The following TTN variants were observed in gnomAD, a reference collection of about 807,000 sequenced individuals.
The protein encoded by TTN is connectin.
TTN carries 1,525 observed loss-of-function variants against 3,223.0 expected under a neutral mutation model. That is an observed-to-expected ratio of 0.47 (90% CI 0.45 to 0.49). TTN has a LOEUF of 0.49. TTN is among the 20% of genes least tolerant of loss of function. The probability of loss-of-function intolerance (pLI) is 0.00; values close to 1 mark genes in which losing one functional copy is unlikely to be tolerated. For missense variants in TTN, 40,786 were observed against 43,424.0 expected, an observed-to-expected ratio of 0.94 and a Z score of 5.40; for synonymous variants, 14,094 against 15,161.0, an observed-to-expected ratio of 0.93 and a Z score of 5.17.
rs1414221406 is a variant in TTN at position 178,706,587 on chromosome 2, T to C, written c.29287A>G (p.Lys9763Glu). 6.2e-7 allele frequency: 1 copy of C among 1,613,924 alleles called. No homozygotes were observed. Among genetic ancestry groups the C allele is most frequent in the Non-Finnish European group, 8.5e-7 (1 of 1,179,842 alleles). Residue 9763 changes from lysine (K) to glutamate (E), a missense_variant, in exon 102 of 363, where the codon AAA becomes GAA. Lys to Glu is a moderately conservative substitution (Grantham distance 56, BLOSUM62 1). Coordinates refer to ENST00000589042, the MANE Select transcript of TTN (RefSeq NM_001267550.2). ...EAKLEIRDTT[K>E]TDSGLYRCVA... ...CATCGGTATAACCCAGAATCAGTTT[T>C]TGTGGTGTCCCTAATCTCCAGTTTT... is the stretch of plus-strand genomic sequence containing the variant.
Position 178,632,645 on chromosome 2 carries a change from T to C in TTN, c.43361A>G (p.Glu14454Gly). 6.2e-7 allele frequency: 1 copy of C among 1,613,474 alleles called. No homozygotes were observed. The highest frequency in any genetic ancestry group is 8.5e-7 in the Non-Finnish European group (1 of 1,179,574). The change falls in exon 235 of 363, where the codon GAG (glutamate) becomes GGG (glycine). Residue 14454 changes from glutamate (E) to glycine (G), a missense_variant. Physicochemically the swap from Glu to Gly is moderately conservative, Grantham distance 98. Coordinates refer to ENST00000589042, the MANE Select transcript of TTN (RefSeq NM_001267550.2). ...ATGCTTAGTGCCATCCTTTATAAGC[T>C]CAAATCTGTCATCACCTGTGATTTC... ...TQEITGDDRF[E>G]LIKDGTKHSM...
chr2:178,634,097 A>G lies in TTN; in HGVS notation c.42416-14T>C. The G allele has an allele frequency of 3.7e-6, 6 of 1,611,406 alleles. No homozygotes were observed. The highest frequency in any genetic ancestry group is 5.1e-6 in the Non-Finnish European group (6 of 1,179,214). On this transcript the variant is annotated splice_polypyrimidine_tract_variant and intron_variant, in intron 230 of 362. Coordinates refer to ENST00000589042, the MANE Select transcript of TTN (RefSeq NM_001267550.2). The surrounding 1 kb of genome is among the most constrained non-coding windows in gnomAD (Gnocchi z 4.6). ...TCAGTCTTATACCTGAAATGCAAGC[A>G]TAGATAATGCCTCAGAAACACAATT...
At chr2:178,559,249 A>C (rs1702701533) in intron 326 of TTN, 62 bp downstream of exon 326, 3 of 1,400,288 alleles carry the variant, frequency 2.1e-6, no homozygotes, top group Non-Finnish European at 2.9e-6. Context: ...AATTAGAATG[A>C]CTCACACTAT....
intron 120 of TTN, 106 bp downstream of exon 120, chr2:178,692,391 T>C (rs1442744969): frequency 9.5e-7 from 1 of 1,057,342 alleles, no homozygotes; most frequent in Admixed American, 2.1e-5. Flanking sequence ...CAGAATTAAA[T>C]ATATTATAGA....
chr2:178,763,460 T>C (rs972864950), intron 43 of TTN, among the ~76,000 whole-genome samples: 2 of 152,230 alleles, frequency 1.3e-5, no homozygotes, highest in African/African-American at 4.8e-5. Context: ...GTATCTACTA[T>C]GTATCAGGTG....
At position 178,652,810 on chromosome 2, in the gene TTN, A is replaced by C. The variant is rs746832849; in HGVS notation, c.38959+38T>G. ...GAAAAAATATTTTCAAGAATAGAGG[A>C]GTTTGATCTTCTGAAGCCTAAAGCC... On this transcript the variant is annotated intron_variant, in intron 200 of 362. Transcript: ENST00000589042. The C allele has an allele frequency of 5.0e-6, 8 of 1,607,232 alleles. No homozygotes were observed. In the Admixed American group the frequency reaches 1.4e-4, roughly 27 times the overall value.
Position 178,588,162 on chromosome 2 carries a change from G to T in TTN, c.63245C>A (p.Thr21082Asn), listed in dbSNP as rs2049445898. ...ATAGACTGGTTTTCCCCACCCAAGAGTTATGGAATGTTTGGTTGTATCAAC... is the reference window on the plus strand; with the variant it reads ...ATAGACTGGTTTTCCCCACCCAAGATTTATGGAATGTTTGGTTGTATCAAC... Reference protein sequence around the residue: ...RVVDTTKHSITLGWGKPVYDG... With the variant: ...RVVDTTKHSINLGWGKPVYDG... The change falls in exon 305 of 363, where the codon ACT becomes AAT. Residue 21082 changes from threonine to asparagine, a missense_variant. Coordinates refer to ENST00000589042, the MANE Select transcript of TTN (RefSeq NM_001267550.2). 5 of 1,605,640 alleles carry T rather than the reference G, an allele frequency of 3.1e-6. No individual in the cohort carries two copies. The African/African-American group carries it at 5.3e-5, about 17-fold the overall frequency.
intron 13 of TTN, 137 bp downstream of exon 13, chr2:178,789,223 T>C: frequency 8.7e-7 from 1 of 1,145,104 alleles, no homozygotes; most frequent in Non-Finnish European, 1.3e-6. Flanking sequence ...GTCTAAAAAA[T>C]AAATTTGGTT....
rs575558247 is a variant in TTN at position 178,587,465 on chromosome 2, A to G, written c.63794-48T>C. 135 of 1,602,658 alleles carry G rather than the reference A, an allele frequency of 8.4e-5. No homozygotes were observed. In the South Asian group the frequency reaches 9.4e-4, roughly 11 times the overall value. On this transcript the variant is annotated intron_variant, in intron 306 of 362. Transcript: ENST00000589042. ...ATATACATGTCTCCTCAGCATCCCTATTAACAAATTCATTTTTGAAGTGGG... is the reference window on the plus strand; with the variant it reads ...ATATACATGTCTCCTCAGCATCCCTGTTAACAAATTCATTTTTGAAGTGGG...
In TTN at chr2:178,724,022, A is replaced by G. The variant is rs1293832030; in HGVS notation, c.21237T>C (p.His7079=). 4 of 1,613,450 alleles carry G rather than the reference A, an allele frequency of 2.5e-6. No individual in the cohort carries two copies. The highest frequency in any genetic ancestry group is 1.1e-5 in the South Asian group (1 of 91,080). The change falls in exon 73 of 363, where the codon CAT becomes CAC. Residue 7079 remains histidine, a synonymous_variant. Coordinates refer to ENST00000589042, the MANE Select transcript of TTN (RefSeq NM_001267550.2). ...CTCCACTGACAATCTTGGTTTTCTC[A>G]TGAAACCAGGCAACTGAAATAGGTG... ...GSSPISVAWF[H]EKTKIVSGAK...
Position 178,560,974 on chromosome 2 carries a change from C to G in TTN, c.85158G>C (p.Leu28386=), listed in dbSNP as rs753005213. ...KINADIAGRP[L]PVISWAKDGI... ...CATCCTTGGCCCAGGAAATTACTGG[C>G]AGAGGTCGCCCTGCAATGTCTGCAT... The change falls in exon 326 of 363, where the codon CTG becomes CTC. Residue 28386 remains leucine, a synonymous_variant. Coordinates refer to ENST00000589042, the MANE Select transcript of TTN (RefSeq NM_001267550.2). 1 of 1,613,824 alleles carries G rather than the reference C, an allele frequency of 6.2e-7. No homozygotes were observed. Among genetic ancestry groups the G allele is most frequent in the Non-Finnish European group, 8.5e-7 (1 of 1,179,796 alleles).
At position 178,649,686 on chromosome 2, in the gene TTN, C is replaced by T. The variant is rs1490763113; in HGVS notation, c.39896-55G>A. 16 of 1,541,958 alleles carry T rather than the reference C, an allele frequency of 1.0e-5. No individual in the cohort carries two copies. In the South Asian group the frequency reaches 1.3e-4, roughly 12 times the overall value. Reference sequence around the variant, plus strand: ...ACAAAGTTGTGAGATGTAAGATATACATACAAGTTTATTCAACACTGTAAC... The same window carrying T: ...ACAAAGTTGTGAGATGTAAGATATATATACAAGTTTATTCAACACTGTAAC... On this transcript the variant is annotated intron_variant, in intron 211 of 362. Coordinates refer to ENST00000589042, the MANE Select transcript of TTN (RefSeq NM_001267550.2).
In TTN at chr2:178,733,658, T is replaced by C. The variant is rs755749411; in HGVS notation, c.15731A>G (p.Asn5244Ser). The C allele has an allele frequency of 1.2e-6, 2 of 1,612,930 alleles. No homozygotes were observed. ...FGGKYTCLAE[N>S]EAGSQTSVGE... Reference sequence around the variant, plus strand: ...AACAGATGTTTGGCTTCCAGCTTCATTTTCAGCCAGGCACGTGTATTTGCC... The same window carrying C: ...AACAGATGTTTGGCTTCCAGCTTCACTTTCAGCCAGGCACGTGTATTTGCC... The change falls in exon 53 of 363, where the codon AAT becomes AGT. Residue 5244 changes from asparagine to serine, a missense_variant. By Grantham distance (46) the Asn-to-Ser change is conservative (BLOSUM62 1). Coordinates refer to ENST00000589042, the MANE Select transcript of TTN (RefSeq NM_001267550.2).
At position 178,749,378 on chromosome 2, in the gene TTN, G is replaced by C. The variant is rs763408700; in HGVS notation, c.11311+3746C>G. On this transcript the variant is annotated intron_variant, in intron 47 of 362. Coordinates refer to ENST00000589042, the MANE Select transcript of TTN (RefSeq NM_001267550.2). Reference sequence around the variant, plus strand: ...GGGCTTGCTGATTTTTATGGTTCTTGAAGCACCATGCACAAATCTGGGAAT... The same window carrying C: ...GGGCTTGCTGATTTTTATGGTTCTTCAAGCACCATGCACAAATCTGGGAAT... 26 of 1,613,024 alleles carry C rather than the reference G, an allele frequency of 1.6e-5. No individual in the cohort carries two copies. In the South Asian group the frequency reaches 2.6e-4, roughly 16 times the overall value.
In TTN at chr2:178,571,508, GTCT is replaced by G. The variant is rs765117608; in HGVS notation, c.74621_74623del (p.Lys24874del). ...AATTCTAAACTGATATTCACATCCA[GTCT>G]TCAGTCTGCAAGCCTTTATTGTTGT... On this transcript the variant is annotated inframe_deletion, in exon 326 of 363. Transcript: ENST00000589042. 1.9e-6 allele frequency: 3 copies of G among 1,613,286 alleles called. No homozygotes were observed. The highest frequency in any genetic ancestry group is 2.2e-5 in the South Asian group (2 of 91,064).
chr2:178,648,616 G>T (rs2062408592), intron 213 of TTN, among the ~76,000 whole-genome samples: 1 of 152,022 alleles, frequency 6.6e-6, no homozygotes, highest in South Asian at 2.1e-4. Flanking sequence ...CACCATGTTG[G>T]CCAGGCTGGT....
At position 178,564,102 on chromosome 2, in the gene TTN, CA is replaced by C; in HGVS notation, c.82029del (p.Asp27343GlufsTer7). The C allele has an allele frequency of 6.2e-7, 1 of 1,613,730 alleles. No homozygotes were observed. Reference protein sequence around the residue: ...TLVVKDCIRTDGGQYILKLSN... With the variant: ...TLVVKDCIRTXGGQYILKLSN... ...CTGAGTTTCAGAATATATTGTCCTC[CA>C]TCAGTCCGTATACAGTCTTTGACAA... On this transcript the variant is annotated frameshift_variant, in exon 326 of 363. Transcript: ENST00000589042. LOFTEE classifies it high-confidence loss of function.
At chr2:178,616,366 G>T in intron 257 of TTN, 113 bp downstream of exon 257, 4 of 1,418,662 alleles carry the variant, frequency 2.8e-6, no homozygotes, top group Non-Finnish European at 2.9e-6. Context: ...TACATTTTCA[G>T]TGAGGTAAAG....
At position 178,731,468 on chromosome 2, in the gene TTN, G is replaced by T; in HGVS notation, c.17298C>A (p.Asp5766Glu). 6.2e-7 allele frequency: 1 copy of T among 1,613,698 alleles called. No individual in the cohort carries two copies. Among genetic ancestry groups the T allele is most frequent in the Non-Finnish European group, 8.5e-7 (1 of 1,179,792 alleles). The stretch of plus-strand genomic sequence containing the variant: ...TATCGTCTTCAGTGATTTCATCGCT[G>T]TCTTTTAGCCAAGTCACCGTAATTG... ...SLPITVTWLKDSDEITEDDNI... is the reference protein window; with the variant it reads ...SLPITVTWLKESDEITEDDNI... The change falls in exon 59 of 363, where the codon GAC becomes GAA. Residue 5766 changes from aspartate to glutamate, a missense_variant. Transcript: ENST00000589042.
Sources: allele counts gnomAD v4.1 joint callset (sites outside exome capture counted in the v4.1 genomes callset), GRCh38; gene constraint gnomAD v4.1.1; non-coding constraint Gnocchi (gnomAD v3.1); transcripts MANE v1.5; gene names NCBI Gene and HGNC (gene_info 2026-07-23, HGNC 2026-07-21).